Variants in LAG3 observed in about 807,000 individuals in gnomAD.
LAG3 encodes lymphocyte activating 3.
In LAG3, 29 loss-of-function variants were observed where a neutral mutation model predicts 49.0. The observed-to-expected ratio is 0.59, with a 90% CI of 0.44 to 0.81. LAG3 has a LOEUF of 0.81. Ranked by LOEUF, LAG3 falls within the 30% of genes least tolerant of loss-of-function variation. The pLI is 0.00. For synonymous variants in LAG3, 320 were observed against 297.3 expected (o/e 1.08, Z -0.79); for missense variants, 693 against 695.2 (o/e 1.00, Z 0.04).
rs1255859569 is a variant in LAG3, at chr12:6,778,413, G to C, written c.*23G>C. On this transcript the variant is annotated 3_prime_UTR_variant, in exon 8 of 8. Coordinates refer to ENST00000203629, the MANE Select transcript of LAG3 (RefSeq NM_002286.6). The stretch of plus-strand genomic sequence containing the variant: ...TGACCTGGAGCTGAGGCAGCCAGCA[G>C]ATCTCAGCAGCCCAGTCCAAATAAA... The C allele has an allele frequency of 1.9e-6, 3 of 1,604,890 alleles. No homozygotes were observed. Among genetic ancestry groups the C allele is most frequent in the Non-Finnish European group, 2.5e-6 (3 of 1,179,432 alleles).
chr12:6,777,558 C>T (rs1362368092), intron 6 of LAG3, 52 bp downstream of exon 6: 7 of 1,590,212 alleles, frequency 4.4e-6, no homozygotes, highest in African/African-American at 2.7e-5. Context: ...TAATCTTTAT[C>T]CTCCTTCCAG....
intron 5 of LAG3, 29 bp from the exon 6 acceptor site, chr12:6,777,235 A>C (rs750689208): frequency 6.2e-7 from 1 of 1,613,494 alleles, no homozygotes; most frequent in South Asian, 1.1e-5. Context: ...GCAGAATCCC[A>C]AAAGATCTCT....
chr12:6,774,026 A>G (rs1838142015), intron 3 of LAG3, 25 bp downstream of exon 3: 3 of 1,390,286 alleles, frequency 2.2e-6, no homozygotes, highest in Admixed American at 3.7e-5. Context: ...ACGATGGGAG[A>G]AGGGCTGGGA....
chr12:6,778,252 A>C lies in LAG3; in HGVS notation c.1440A>C (p.Pro480=). The C allele has an allele frequency of 6.3e-7, 1 of 1,593,104 alleles. No homozygotes were observed. The highest frequency in any genetic ancestry group is 1.1e-5 in the South Asian group (1 of 88,934). The part of the protein sequence containing the change: ...GFHLWRRQWR[P]RRFSALEQGI... The stretch of plus-strand genomic sequence containing the variant: ...TCCATCTCTTCTCACAGTGGCGACC[A>C]AGACGATTTTCTGCCTTAGAGCAAG... Residue 480 remains proline (P), a synonymous_variant, in exon 8 of 8, where the codon CCA becomes CCC. Coordinates refer to ENST00000203629, the MANE Select transcript of LAG3 (RefSeq NM_002286.6).
rs1221518056 is a variant in LAG3, at chr12:6,773,796, G to A, written c.306G>A (p.Leu102=). ...WGPRPRRYTV[L]SVGPGGLRSG... ...CCAGGCCCCGCCGCTACACGGTGCT[G>A]AGCGTGGGTCCCGGAGGCCTGCGCA... is the stretch of plus-strand genomic sequence containing the variant. Residue 102 remains leucine (L), a synonymous_variant, in exon 3 of 8, where the codon CTG becomes CTA. Coordinates refer to ENST00000203629, the MANE Select transcript of LAG3 (RefSeq NM_002286.6). This position sits in a 1 kb window ranked among gnomAD's most constrained non-coding sequence, Gnocchi z 5.5. 3.6e-6 allele frequency: 5 copies of A among 1,395,998 alleles called. No homozygotes were observed. In the Admixed American group the frequency reaches 1.4e-4, roughly 38 times the overall value. 86.5% of individuals were successfully genotyped at this position (1,395,998 alleles called of 1,614,324 possible).
chr12:6,776,579 T>C (rs1015914118), intron 5 of LAG3, among the ~76,000 whole-genome samples: 1 of 152,166 alleles, frequency 6.6e-6, no homozygotes, highest in African/African-American at 2.4e-5. Context: ...CCCTTCACCC[T>C]TTGTCTCCTC....
rs1021851710 is a variant in LAG3, at chr12:6,773,624, A to G, written c.207-73A>G. ...CTTGGGGCGGGCTTTCTCATCCTCA[A>G]CGGGTGGCTGCCTGCATCCTCCCGG... is the stretch of plus-strand genomic sequence containing the variant. On this transcript the variant is annotated intron_variant, in intron 2 of 7. Coordinates refer to ENST00000203629, the MANE Select transcript of LAG3 (RefSeq NM_002286.6). This position sits in a 1 kb window ranked among gnomAD's most constrained non-coding sequence, Gnocchi z 5.5. 9.0e-6 allele frequency: 12 copies of G among 1,326,358 alleles called. No homozygotes were observed. The highest frequency in any genetic ancestry group is 4.6e-5 in the African/African-American group (3 of 64,822). 82.2% of individuals were successfully genotyped at this position (1,326,358 alleles called of 1,614,324 possible).
chr12:6,777,809 G>C lies in LAG3; in HGVS notation c.1319G>C (p.Arg440Thr), dbSNP rs1211403981. ...TCCATAGGTGCCCAACGCTCTGGGA[G>C]AGCCCCAGGTGCCCTCCCAGCAGGC... ...LSSPGAQRSG[R>T]APGALPAGHL... Residue 440 changes from arginine to threonine, a missense_variant, in exon 7 of 8, where the codon AGA becomes ACA. Physicochemically the swap from Arg to Thr is moderately conservative, Grantham distance 71 (BLOSUM62 -1). Coordinates refer to ENST00000203629, the MANE Select transcript of LAG3 (RefSeq NM_002286.6). The C allele has an allele frequency of 4.3e-6, 7 of 1,613,954 alleles. No homozygotes were observed. Among genetic ancestry groups the C allele is most frequent in the Non-Finnish European group, 5.9e-6 (7 of 1,179,980 alleles).
intron 5 of LAG3, 172 bp downstream of exon 5, chr12:6,775,720 A>C: frequency 1.3e-3 from 760 of 586,384 alleles, no homozygotes; most frequent in East Asian, 2.2e-3. Flanking sequence ...ATAATAAAGA[A>C]ACGAAACTGA....
At chr12:6,775,679 G>A in intron 5 of LAG3, 131 bp downstream of exon 5, 2 of 788,598 alleles carry the variant, frequency 2.5e-6, no homozygotes, top group Admixed American at 2.8e-5. Flanking sequence ...TCCAGAGCCT[G>A]CCCATCTCGG....
Position 6,772,652 on chromosome 12 carries a change from G to A in LAG3, c.-201G>A. The A allele has an allele frequency of 2.0e-6, 1 of 489,292 alleles. No homozygotes were observed. The highest frequency in any genetic ancestry group is 3.6e-6 in the Non-Finnish European group (1 of 275,342). The allele number at this position is 489,292 out of a possible 1,614,324, so 30.3% of individuals were successfully genotyped here. A position where few individuals can be genotyped will look rare whatever the true frequency, so the allele number is the denominator to read the frequency against. On this transcript the variant is annotated 5_prime_UTR_variant, in exon 1 of 8. Coordinates refer to ENST00000203629, the MANE Select transcript of LAG3 (RefSeq NM_002286.6). ...GCTGCCTGATCTGCCCAGCTTTCCA[G>A]CTTTCCTCTGGATTCCGGCCTCTGG... is the stretch of plus-strand genomic sequence containing the variant.
chr12:6,775,604 G>A, intron 5 of LAG3, 56 bp downstream of exon 5: 2 of 1,575,056 alleles, frequency 1.3e-6, no homozygotes, highest in Non-Finnish European at 1.7e-6. Flanking sequence ...AGGACAGGGA[G>A]GAAGGGCTGG....
At position 6,773,716 on chromosome 12, in the gene LAG3, C is replaced by A; in HGVS notation, c.226C>A (p.Pro76Thr). The change falls in exon 3 of 8, where the codon CCC becomes ACC. Residue 76 changes from proline to threonine, a missense_variant. Physicochemically the swap from Pro to Thr is conservative, Grantham distance 38. Transcript: ENST00000203629. The surrounding 1 kb of genome is among the most constrained non-coding windows in gnomAD (Gnocchi z 5.5). ...GCCCAGTGGCCCGCCCGCTGCCGCC[C>A]CCGGCCATCCCCTGGCCCCCGGCCC... is the stretch of plus-strand genomic sequence containing the variant. ...QPDSGPPAAAPGHPLAPGPHP... is the reference protein window; with the variant it reads ...QPDSGPPAAATGHPLAPGPHP... The A allele has an allele frequency of 7.4e-7, 1 of 1,351,816 alleles. No individual in the cohort carries two copies. The highest frequency in any genetic ancestry group is 2.0e-5 in the South Asian group (1 of 48,860). The allele number at this position is 1,351,816 out of a possible 1,614,324, so 83.7% of individuals were successfully genotyped here.
intron 3 of LAG3, 106 bp downstream of exon 3, chr12:6,774,107 C>G (rs1393873365): frequency 1.5e-6 from 2 of 1,327,872 alleles, no homozygotes; most frequent in Non-Finnish European, 1.9e-6. Flanking sequence ...TAGGCCCTGT[C>G]GGAGAGCTCC....
rs1226220316 is a variant in LAG3 at position 6,774,585 on chromosome 12, C to A, written c.512-10C>A. The A allele has an allele frequency of 6.2e-7, 1 of 1,611,568 alleles. No homozygotes were observed. The highest frequency in any genetic ancestry group is 2.2e-5 in the East Asian group (1 of 44,856). ...AGTGGGCTGATGAAGTCTTCTTTAT[C>A]CTTGCACAGTGACTGCCAGCCCCCC... is the stretch of plus-strand genomic sequence containing the variant. On this transcript the variant is annotated splice_polypyrimidine_tract_variant and intron_variant, in intron 3 of 7. Transcript: ENST00000203629.
chr12:6,775,601 G>A (rs768744130), intron 5 of LAG3, 53 bp downstream of exon 5: 2 of 1,583,702 alleles, frequency 1.3e-6, no homozygotes, highest in Admixed American at 1.7e-5. Context: ...GAAAGGACAG[G>A]GAGGAAGGGC....
At chr12:6,775,150 C>T (rs1941892153) in intron 4 of LAG3, 123 bp from the exon 5 acceptor site, 1 of 1,119,408 alleles carries the variant, frequency 8.9e-7, no homozygotes, top group Non-Finnish European at 1.3e-6. Flanking sequence ...CCTTATTCTG[C>T]TCCTTAGCAC....
At position 6,777,926 on chromosome 12, in the gene LAG3, G is replaced by A. The variant is rs764322249; in HGVS notation, c.1431+5G>A. 1.9e-6 allele frequency: 3 copies of A among 1,612,884 alleles called. No homozygotes were observed. The highest frequency in any genetic ancestry group is 2.5e-6 in the Non-Finnish European group (3 of 1,179,794). On this transcript the variant is annotated splice_donor_5th_base_variant and intron_variant, in intron 7 of 7. Coordinates refer to ENST00000203629, the MANE Select transcript of LAG3 (RefSeq NM_002286.6). ...TTTCACCTTTGGAGAAGACAGGTGA[G>A]CCAGGGACATGGCAACCCCGCCCCC... is the stretch of plus-strand genomic sequence containing the variant.
rs1376880966 is a variant in LAG3 at position 6,778,267 on chromosome 12, C to T, written c.1455C>T (p.Ala485=). The change falls in exon 8 of 8, where the codon GCC becomes GCT. Residue 485 remains alanine (A), a synonymous_variant. Coordinates refer to ENST00000203629, the MANE Select transcript of LAG3 (RefSeq NM_002286.6). ...AGTGGCGACCAAGACGATTTTCTGC[C>T]TTAGAGCAAGGGATTCACCCTCCGC... is the stretch of plus-strand genomic sequence containing the variant. ...RRQWRPRRFS[A]LEQGIHPPQA... The T allele has an allele frequency of 1.9e-6, 3 of 1,606,992 alleles. No individual in the cohort carries two copies. The highest frequency in any genetic ancestry group is 2.5e-6 in the Non-Finnish European group (3 of 1,176,668).
Sources: allele counts gnomAD v4.1 joint callset (sites outside exome capture counted in the v4.1 genomes callset), GRCh38; gene constraint gnomAD v4.1.1; non-coding constraint Gnocchi (gnomAD v3.1); transcripts MANE v1.5; gene names NCBI Gene and HGNC (gene_info 2026-07-23, HGNC 2026-07-21).